GRM8: variants seen among roughly 807,000 people sequenced by gnomAD.
The protein encoded by GRM8 is metabotropic glutamate receptor 8.
A neutral mutation model predicts 87.2 loss-of-function variants in GRM8; 47 were observed. That is an observed-to-expected ratio of 0.54 (90% CI 0.43 to 0.69). The LOEUF (loss-of-function observed/expected upper bound fraction) is 0.69. Among genes scored for constraint, GRM8 ranks in the 30% least tolerant of loss-of-function variants. The probability of loss-of-function intolerance (pLI) is 0.00; values close to 1 mark genes in which losing one functional copy is unlikely to be tolerated. For missense variants in GRM8, 1,019 were observed against 1,139.2 expected, an observed-to-expected ratio of 0.89 and a Z score of 1.52; for synonymous variants, 396 against 404.5, an observed-to-expected ratio of 0.98 and a Z score of 0.25.
intron 6 of GRM8, among the ~76,000 whole-genome samples, chr7:126,872,997 G>T (rs1019571859): frequency 1.3e-5 from 2 of 151,956 alleles, no homozygotes; most frequent in Non-Finnish European, 2.9e-5. Flanking sequence ...TTAATAAAAA[G>T]AATTTAGCAA....
At chr7:126,605,827 G>A (rs538603834) in intron 8 of GRM8, among the ~76,000 whole-genome samples, 1 of 152,160 alleles carries the variant, frequency 6.6e-6, no homozygotes, top group Admixed American at 6.5e-5. Flanking sequence ...GGCCAGATTA[G>A]CAACCTCTCT....
intron 3 of GRM8, among the ~76,000 whole-genome samples, chr7:127,033,062 A>T (rs1163602759): frequency 6.8e-6 from 1 of 148,102 alleles, no homozygotes; most frequent in Non-Finnish European, 1.5e-5. Context: ...TTTCTTGAGC[A>T]TAGTGACAAG....
intron 6 of GRM8, among the ~76,000 whole-genome samples, chr7:126,806,159 C>G (rs186644882): frequency 6.6e-6 from 1 of 152,262 alleles, no homozygotes; most frequent in East Asian, 1.9e-4. Context: ...TTCAGATGTT[C>G]AGATGTGTCC....
chr7:127,059,559 ACTCCTGAC>A (rs1820410126), intron 3 of GRM8, among the ~76,000 whole-genome samples: 1 of 151,776 alleles, frequency 6.6e-6, no homozygotes, highest in African/African-American at 2.4e-5. Flanking sequence ...CTGGTCTCTA[ACTCCTGAC>A]CTTGTGATTG....
chr7:126,864,400 T>A (rs1022252478), intron 6 of GRM8, among the ~76,000 whole-genome samples: 2 of 152,164 alleles, frequency 1.3e-5, no homozygotes, highest in Admixed American at 1.3e-4. Context: ...ATTTCCATAT[T>A]TCTAGGTCTA....
At chr7:127,139,538 T>A (rs1307637722) in intron 2 of GRM8, among the ~76,000 whole-genome samples, 2 of 152,174 alleles carry the variant, frequency 1.3e-5, no homozygotes, top group African/African-American at 2.4e-5. Flanking sequence ...CAATATTCAC[T>A]TACCCCAGAG....
chr7:127,131,176 T>C lies in GRM8; in HGVS notation c.511-24464A>G, dbSNP rs370305296. Among the ~76,000 whole-genome samples the C allele has an allele frequency of 2.8e-4, 42 of 152,342 alleles. 1 individual carries two copies. The South Asian group carries it at 3.5e-3, about 13-fold the overall frequency. On this transcript the variant is annotated intron_variant, in intron 2 of 10. Coordinates refer to ENST00000339582, the MANE Select transcript of GRM8 (RefSeq NM_000845.3). Reference sequence around the variant, plus strand: ...CAGGCTCCCTCCCAACCTTCACTTTTGTTCCAGGCAAAATTTTTTAATCAA... The same window carrying C: ...CAGGCTCCCTCCCAACCTTCACTTTCGTTCCAGGCAAAATTTTTTAATCAA...
At chr7:126,816,759 T>C (rs1793823470) in intron 6 of GRM8, among the ~76,000 whole-genome samples, 1 of 151,488 alleles carries the variant, frequency 6.6e-6, no homozygotes, top group South Asian at 2.1e-4. Flanking sequence ...TGTGTGTGTG[T>C]GTGTGTGTGT....
chr7:126,929,330 T>C (rs765307756), intron 3 of GRM8, among the ~76,000 whole-genome samples: 33 of 152,242 alleles, frequency 2.2e-4, no homozygotes, highest in Non-Finnish European at 4.4e-4. Context: ...ATTCTATAGC[T>C]GTGCTGTTGA....
chr7:127,097,207 A>G (rs778831401), intron 3 of GRM8, among the ~76,000 whole-genome samples: 1 of 152,234 alleles, frequency 6.6e-6, no homozygotes, highest in Non-Finnish European at 1.5e-5. Flanking sequence ...CACATTGCTA[A>G]GGATGAGGCA....
At chr7:127,071,880 G>C (rs2132684425) in intron 3 of GRM8, among the ~76,000 whole-genome samples, 1 of 151,802 alleles carries the variant, frequency 6.6e-6, no homozygotes, top group East Asian at 1.9e-4. Flanking sequence ...AATTCAGTAT[G>C]GTAAAAATAG....
chr7:126,887,193 T>C (rs1479013783), intron 6 of GRM8, among the ~76,000 whole-genome samples: 1 of 151,998 alleles, frequency 6.6e-6, no homozygotes, highest in Non-Finnish European at 1.5e-5. Context: ...ACATCAGACA[T>C]AGGAAAGGAA....
In GRM8 at chr7:127,118,431, T is replaced by A. The variant is rs956702381; in HGVS notation, c.511-11719A>T. ...TTAAGTTTCCCCTAAACAAATTGAT[T>A]AGCCCTTTCATCCTATGAACATTTT... On this transcript the variant is annotated intron_variant, in intron 2 of 10. Coordinates refer to ENST00000339582, the MANE Select transcript of GRM8 (RefSeq NM_000845.3). 4.6e-5 allele frequency among the ~76,000 whole-genome samples: 7 copies of A among 152,344 alleles called. No homozygotes were observed. The South Asian group carries it at 1.2e-3, about 27-fold the overall frequency.
chr7:126,944,161 G>C (rs1406110083), intron 3 of GRM8, among the ~76,000 whole-genome samples: 1 of 152,210 alleles, frequency 6.6e-6, no homozygotes, highest in Non-Finnish European at 1.5e-5. Context: ...AGACTAAGCT[G>C]ACATGGGCAT....
In GRM8 at chr7:127,104,977, G is replaced by T. The variant is rs28951991; in HGVS notation, c.727+1519C>A. On this transcript the variant is annotated intron_variant, in intron 3 of 10. Coordinates refer to ENST00000339582, the MANE Select transcript of GRM8 (RefSeq NM_000845.3). ...AATCTATCTCATGCACACAAAATGT[G>T]TCCTCAAGTTGCAGAATGTCCAGGA... is the stretch of plus-strand genomic sequence containing the variant. Among the ~76,000 whole-genome samples the T allele has an allele frequency of 3.3e-5, 5 of 152,234 alleles. No individual in the cohort carries two copies. In the East Asian group the frequency reaches 7.7e-4, roughly 23 times the overall value.
At chr7:127,121,695 G>A (rs556582544) in intron 2 of GRM8, among the ~76,000 whole-genome samples, 2 of 152,258 alleles carry the variant, frequency 1.3e-5, no homozygotes, top group African/African-American at 4.8e-5. Flanking sequence ...CACAGCAGGG[G>A]TGAGGGAGAG....
chr7:126,858,026 A>C (rs1410780132), intron 6 of GRM8, among the ~76,000 whole-genome samples: 2 of 152,194 alleles, frequency 1.3e-5, no homozygotes, highest in Non-Finnish European at 1.5e-5. Flanking sequence ...TCCACTCTCC[A>C]CGCACTAAAA....
intron 2 of GRM8, among the ~76,000 whole-genome samples, chr7:127,114,840 G>T (rs1207315815): frequency 6.6e-6 from 1 of 152,030 alleles, no homozygotes; most frequent in Non-Finnish European, 1.5e-5. Context: ...CCTTTTCATG[G>T]GTATTGTATG....
At chr7:126,484,163 C>T (rs1858789) in intron 9 of GRM8, among the ~76,000 whole-genome samples, 9,980 of 152,030 alleles carry the variant, frequency 0.066, 1,001 homozygotes, top group African/African-American at 0.22. Context: ...AAGATAATTT[C>T]ATTTAGCATC....
Sources: gnomAD v4.1 joint callset for allele counts (sites outside exome capture counted in the v4.1 genomes callset) on GRCh38, gnomAD v4.1.1 for gene constraint, MANE v1.5 for transcripts, NCBI Gene and HGNC (gene_info 2026-07-23, HGNC 2026-07-21) for gene names.